WWOX: variants seen among roughly 807,000 people sequenced by gnomAD.
WWOX encodes WW domain-containing oxidoreductase.
Under a neutral mutation model 46.2 loss-of-function variants are expected in WWOX, and 69 were observed. That is an observed-to-expected ratio of 1.49 (90% CI 1.23 to 1.82). The LOEUF is 1.82. Ranked by LOEUF, WWOX falls within the 40% of genes most tolerant of loss-of-function variation. WWOX has a pLI of 0.00. For missense variants in WWOX, 919 were observed against 542.6 expected (o/e 1.69, Z -6.89); for synonymous variants, 359 against 202.6 (o/e 1.77, Z -6.56).
chr16:78,821,675 A>G (rs1011525438), intron 8 of WWOX, among the ~76,000 whole-genome samples: 10 of 152,192 alleles, frequency 6.6e-5, no homozygotes, highest in African/African-American at 2.4e-4. Context: ...TTCACAGGTG[A>G]CAAAGACAGA....
chr16:78,741,330 G>T (rs1005722557), intron 8 of WWOX, among the ~76,000 whole-genome samples: 1 of 152,214 alleles, frequency 6.6e-6, no homozygotes, highest in African/African-American at 2.4e-5. Flanking sequence ...GGAGGCCAAG[G>T]TGGGCAGATT....
At chr16:78,603,075 C>A (rs1400112001) in intron 8 of WWOX, among the ~76,000 whole-genome samples, 2 of 152,170 alleles carry the variant, frequency 1.3e-5, no homozygotes, top group African/African-American at 2.4e-5. Flanking sequence ...TAACTGCAAT[C>A]AGATGTTTTA....
At chr16:78,969,549 G>A (rs1239992606) in intron 8 of WWOX, among the ~76,000 whole-genome samples, 2 of 152,116 alleles carry the variant, frequency 1.3e-5, no homozygotes, top group African/African-American at 4.8e-5. Context: ...GGGATGACAG[G>A]TGTGAGCCAC....
intron 5 of WWOX, among the ~76,000 whole-genome samples, chr16:78,291,622 A>C (rs886939702): frequency 6.6e-6 from 1 of 152,122 alleles, no homozygotes; most frequent in Non-Finnish European, 1.5e-5. Flanking sequence ...TGTAACTTGG[A>C]TCCCCAGGTT....
intron 8 of WWOX, among the ~76,000 whole-genome samples, chr16:78,924,829 A>T (rs945514874): frequency 4.6e-5 from 7 of 152,188 alleles, no homozygotes; most frequent in African/African-American, 1.7e-4. Flanking sequence ...TGGTGTCAAC[A>T]TATGTGTGAA....
intron 8 of WWOX, among the ~76,000 whole-genome samples, chr16:79,155,515 C>G (rs13330231): frequency 0.026 from 3,919 of 150,540 alleles, 189 homozygotes; most frequent in African/African-American, 0.093. Flanking sequence ...GTAGAAATCA[C>G]TTTTAGATCG....
At chr16:78,169,407 C>T (rs2035076511) in intron 5 of WWOX, among the ~76,000 whole-genome samples, 1 of 151,928 alleles carries the variant, frequency 6.6e-6, no homozygotes, top group Non-Finnish European at 1.5e-5. Flanking sequence ...TGGAGTTGGG[C>T]TTCTGTTGCT....
intron 8 of WWOX, among the ~76,000 whole-genome samples, chr16:79,129,685 C>A (rs1396075559): frequency 2.0e-5 from 3 of 152,120 alleles, no homozygotes; most frequent in Non-Finnish European, 2.9e-5. Context: ...GGACTGCATT[C>A]CATGCCTGGC....
At chr16:78,849,728 G>T (rs910249592) in intron 8 of WWOX, among the ~76,000 whole-genome samples, 6 of 152,052 alleles carry the variant, frequency 3.9e-5, no homozygotes, top group African/African-American at 1.2e-4. Flanking sequence ...AGTGAGCAAA[G>T]GGCGAGGTTT....
At chr16:78,316,188 T>C (rs2080353210) in intron 5 of WWOX, among the ~76,000 whole-genome samples, 2 of 151,848 alleles carry the variant, frequency 1.3e-5, no homozygotes, top group African/African-American at 4.8e-5. Context: ...GGAGGTTGCA[T>C]TCAGTCGAGA....
chr16:78,903,746 T>C (rs1333495589), intron 8 of WWOX, among the ~76,000 whole-genome samples: 1 of 152,176 alleles, frequency 6.6e-6, no homozygotes, highest in African/African-American at 2.4e-5. Flanking sequence ...CCATTATGCA[T>C]AGTACAGGAG....
At chr16:79,122,028 C>A (rs2049644199) in intron 8 of WWOX, among the ~76,000 whole-genome samples, 1 of 152,110 alleles carries the variant, frequency 6.6e-6, no homozygotes, top group East Asian at 1.9e-4. Context: ...AGCATTAATT[C>A]CTTACAACCC....
At chr16:78,431,545 C>A (rs2083217257) in intron 7 of WWOX, among the ~76,000 whole-genome samples, 1 of 152,176 alleles carries the variant, frequency 6.6e-6, no homozygotes, top group Non-Finnish European at 1.5e-5. Flanking sequence ...ATTCAAGACA[C>A]TTTTCTGTTT....
intron 8 of WWOX, among the ~76,000 whole-genome samples, chr16:78,837,304 C>G (rs1567594690): frequency 6.6e-6 from 1 of 152,202 alleles, no homozygotes; most frequent in African/African-American, 2.4e-5. Flanking sequence ...TCTTCCAACA[C>G]TTAGAGAAGT....
At chr16:79,170,721 GA>G (rs754759160) in intron 8 of WWOX, among the ~76,000 whole-genome samples, 18 of 151,758 alleles carry the variant, frequency 1.2e-4, no homozygotes, top group Non-Finnish European at 2.2e-4. Context: ...CTCAATTCAT[GA>G]TTTTTTTTTC....
At chr16:79,152,957 G>A (rs746088715) in intron 8 of WWOX, among the ~76,000 whole-genome samples, 8 of 152,126 alleles carry the variant, frequency 5.3e-5, no homozygotes, top group South Asian at 2.1e-4. Context: ...TGCTCCTAGC[G>A]TGAGAGTGTC....
At chr16:78,838,485 C>T (rs983425567) in intron 8 of WWOX, among the ~76,000 whole-genome samples, 2 of 152,088 alleles carry the variant, frequency 1.3e-5, no homozygotes, top group African/African-American at 2.4e-5. Flanking sequence ...AAGCCAATCC[C>T]AAAAGATTAC....
chr16:78,643,167 A>G (rs889835631), intron 8 of WWOX, among the ~76,000 whole-genome samples: 10 of 152,190 alleles, frequency 6.6e-5, no homozygotes, highest in Non-Finnish European at 2.9e-5. Flanking sequence ...CAGCTCTGGA[A>G]CTTGTAATAT....
chr16:78,428,988 T>C (rs1222958009), intron 7 of WWOX, among the ~76,000 whole-genome samples: 1 of 152,234 alleles, frequency 6.6e-6, no homozygotes, highest in Non-Finnish European at 1.5e-5. Context: ...ATTCTCATCA[T>C]GGGATTTGTG....
Sources: allele counts gnomAD v4.1 joint callset (sites outside exome capture counted in the v4.1 genomes callset), GRCh38; gene constraint gnomAD v4.1.1; transcripts MANE v1.5; gene names NCBI Gene and HGNC (gene_info 2026-07-23, HGNC 2026-07-21).